The following LAMA2 variants were observed in gnomAD, a reference collection of about 807,000 sequenced individuals.
The protein encoded by LAMA2 is laminin subunit alpha 2.
A neutral mutation model predicts 364.8 loss-of-function variants in LAMA2; 269 were observed. The ratio of observed to expected loss-of-function variants is 0.74; its 90% CI spans 0.67 to 0.82. The LOEUF (loss-of-function observed/expected upper bound fraction) is 0.82. LAMA2 is among the 40% of genes least tolerant of loss of function. LAMA2 has a pLI of 0.00. For missense variants in LAMA2, 3,807 were observed against 3,873.2 expected (o/e 0.98, Z 0.45); for synonymous variants, 1,379 against 1,370.6 (o/e 1.01, Z -0.14).
intron 1 of LAMA2, among the ~76,000 whole-genome samples, chr6:129,015,891 A>G (rs9492195): frequency 0.29 from 43,965 of 151,844 alleles, 6,851 homozygotes; most frequent in African/African-American, 0.39. Context: ...GTGAGGTACA[A>G]TATATAAACT....
Position 129,453,092 on chromosome 6 carries a change from T to C in LAMA2, c.6534T>C (p.Val2178=). 1.5e-5 allele frequency: 25 copies of C among 1,613,104 alleles called. No individual in the cohort carries two copies. The highest frequency in any genetic ancestry group is 2.1e-5 in the Non-Finnish European group (25 of 1,179,434). The change falls in exon 46 of 65, where the codon GTT becomes GTC. Residue 2178 remains valine, a synonymous_variant. Coordinates refer to ENST00000421865, the MANE Select transcript of LAMA2 (RefSeq NM_000426.4). ...TTGTTGTCAACGTAAAGACAGCTGT[T>C]GCTGATAACCTCCTCTTTTATCTTG... The part of the protein sequence containing the change: ...NNIVVNVKTA[V]ADNLLFYLGS...
At chr6:129,353,624 A>G (rs980491167) in intron 32 of LAMA2, among the ~76,000 whole-genome samples, 1 of 152,024 alleles carries the variant, frequency 6.6e-6, no homozygotes, top group African/African-American at 2.4e-5. Flanking sequence ...TCCTGGAGGC[A>G]TTTTATTTGA....
chr6:129,057,874 A>G (rs75444864), intron 2 of LAMA2, among the ~76,000 whole-genome samples: 3,612 of 152,276 alleles, frequency 0.024, 135 homozygotes, highest in African/African-American at 0.081. Flanking sequence ...TTCAAATTTA[A>G]AAAGGATTGT....
chr6:128,980,233 T>G (rs778868559), intron 1 of LAMA2, among the ~76,000 whole-genome samples: 13 of 152,214 alleles, frequency 8.5e-5, no homozygotes, highest in Non-Finnish European at 1.5e-4. Context: ...TATATCAATA[T>G]CACACACACT....
chr6:129,266,439 C>A (rs1173195851), intron 15 of LAMA2, among the ~76,000 whole-genome samples: 1 of 151,964 alleles, frequency 6.6e-6, no homozygotes, highest in East Asian at 1.9e-4. Context: ...CAGAAGAATG[C>A]CATAAAATAA....
intron 3 of LAMA2, among the ~76,000 whole-genome samples, chr6:129,082,073 C>T (rs1321099189): frequency 6.6e-6 from 1 of 152,010 alleles, no homozygotes; most frequent in Non-Finnish European, 1.5e-5. Context: ...GAAATTAGTA[C>T]TGGATGATTG....
At chr6:129,034,988 G>A (rs1478631155) in intron 1 of LAMA2, among the ~76,000 whole-genome samples, 1 of 151,996 alleles carries the variant, frequency 6.6e-6, no homozygotes, top group Non-Finnish European at 1.5e-5. Flanking sequence ...CTTTTCCTTT[G>A]GGTAGATACC....
intron 49 of LAMA2, among the ~76,000 whole-genome samples, chr6:129,463,762 G>T (rs956980813): frequency 1.3e-5 from 2 of 151,954 alleles, no homozygotes; most frequent in Non-Finnish European, 2.9e-5. Context: ...GTTTGTGCCT[G>T]ACATAGGACC....
intron 44 of LAMA2, among the ~76,000 whole-genome samples, chr6:129,444,672 T>C (rs983511030): frequency 2.0e-5 from 3 of 152,200 alleles, no homozygotes; most frequent in African/African-American, 7.2e-5. Context: ...TTACTTCCCT[T>C]TGAGCACATG....
At chr6:129,223,496 A>C (rs908721373) in intron 12 of LAMA2, among the ~76,000 whole-genome samples, 2 of 152,120 alleles carry the variant, frequency 1.3e-5, no homozygotes, top group Non-Finnish European at 2.9e-5. Context: ...TAAGTCTTTA[A>C]TCCATCTTGA....
chr6:128,911,125 C>T (rs1471549294), intron 1 of LAMA2, among the ~76,000 whole-genome samples: 8 of 152,178 alleles, frequency 5.3e-5, no homozygotes, highest in Non-Finnish European at 8.8e-5. Flanking sequence ...GTGGAGCCTA[C>T]AAAGGCAGGC....
chr6:129,080,565 A>G lies in LAMA2; in HGVS notation c.397-17608A>G, dbSNP rs557351115. The stretch of plus-strand genomic sequence containing the variant: ...TACCAGAAAAAAATCAAACTACCCC[A>G]TCAAAAAGTGGGCAAAGGATATGAA... On this transcript the variant is annotated intron_variant, in intron 3 of 64. Transcript: ENST00000421865. 6.6e-5 allele frequency among the ~76,000 whole-genome samples: 10 copies of G among 152,330 alleles called. No individual in the cohort carries two copies. In the South Asian group the frequency reaches 1.0e-3, roughly 16 times the overall value.
chr6:129,099,125 GTT>G (rs370334822), intron 4 of LAMA2, among the ~76,000 whole-genome samples: 1 of 129,802 alleles, frequency 7.7e-6, no homozygotes, highest in Non-Finnish European at 1.6e-5. Flanking sequence ...TTTTTTTTTT[GTT>G]TTTTTTTTTT....
chr6:129,391,484 C>T lies in LAMA2; in HGVS notation c.5072-7C>T. On this transcript the variant is annotated splice_region_variant and splice_polypyrimidine_tract_variant and intron_variant, in intron 35 of 64. Coordinates refer to ENST00000421865, the MANE Select transcript of LAMA2 (RefSeq NM_000426.4). Reference sequence around the variant, plus strand: ...CTAATTTACAAAATTTGTTTTACCCCCTGCAGCTGTAAATGAAAAAGCTAT... The same window carrying T: ...CTAATTTACAAAATTTGTTTTACCCTCTGCAGCTGTAAATGAAAAAGCTAT... 6.2e-7 allele frequency: 1 copy of T among 1,612,592 alleles called. No individual in the cohort carries two copies. The highest frequency in any genetic ancestry group is 8.5e-7 in the Non-Finnish European group (1 of 1,178,934).
chr6:129,316,503 C>T (rs1413730382), intron 27 of LAMA2, among the ~76,000 whole-genome samples: 2 of 152,012 alleles, frequency 1.3e-5, no homozygotes, highest in South Asian at 2.1e-4. Flanking sequence ...TATAAAAGTG[C>T]TGAGAAAGTG....
chr6:129,042,760 TA>T (rs1331569777), intron 1 of LAMA2, among the ~76,000 whole-genome samples: 1 of 152,176 alleles, frequency 6.6e-6, no homozygotes, highest in Admixed American at 6.5e-5. Context: ...AAATGAATAA[TA>T]GAGTATCCAC....
chr6:129,167,225 T>A (rs931740099), intron 9 of LAMA2, among the ~76,000 whole-genome samples: 31 of 152,066 alleles, frequency 2.0e-4, no homozygotes, highest in African/African-American at 7.2e-4. Context: ...GTTAGTTACA[T>A]ATGTATACAT....
At chr6:129,030,339 A>C (rs4076090) in intron 1 of LAMA2, among the ~76,000 whole-genome samples, 1 of 151,930 alleles carries the variant, frequency 6.6e-6, no homozygotes, top group Non-Finnish European at 1.5e-5. Flanking sequence ...GTCCTTGACT[A>C]TGTTGTTCAT....
At chr6:129,141,954 G>C (rs1173972288) in intron 4 of LAMA2, among the ~76,000 whole-genome samples, 3 of 151,938 alleles carry the variant, frequency 2.0e-5, no homozygotes, top group Non-Finnish European at 4.4e-5. Flanking sequence ...ATTTTGGTTT[G>C]GTTCAATTTG....
Sources: allele counts gnomAD v4.1 joint callset (sites outside exome capture counted in the v4.1 genomes callset), GRCh38; gene constraint gnomAD v4.1.1; transcripts MANE v1.5; gene names NCBI Gene and HGNC (gene_info 2026-07-23, HGNC 2026-07-21).